CEP63: variants seen among roughly 807,000 people sequenced by gnomAD.
The protein encoded by CEP63 is centrosomal protein 63, also known as centrosomal protein of 63 kDa.
In CEP63, 84 loss-of-function variants were observed where a neutral mutation model predicts 89.1. The observed-to-expected ratio is 0.94, with a 90% CI of 0.79 to 1.13. CEP63 has a LOEUF of 1.13. CEP63 is among the 50% of genes most tolerant of loss of function. The pLI, the probability that CEP63 is intolerant of heterozygous loss-of-function variation, is 0.00. For synonymous variants in CEP63, 267 were observed against 272.5 expected (o/e 0.98, Z 0.20); for missense variants, 838 against 813.3 (o/e 1.03, Z -0.37).
the CEP63 span, among the ~76,000 whole-genome samples, chr3:134,762,766 C>G: frequency 6.6e-6 from 1 of 152,192 alleles, no homozygotes; most frequent in African/African-American, 2.4e-5. Context: ...GTTGGTTAAG[C>G]CACCCACTTT....
intron 8 of CEP63, 149 bp from the exon 9 acceptor site, chr3:134,547,186 C>T: frequency 6.1e-6 from 4 of 658,632 alleles, no homozygotes; most frequent in Admixed American, 2.4e-5. Flanking sequence ...TCTTTCTTTC[C>T]TCTCCCAATA....
the CEP63 span, among the ~76,000 whole-genome samples, chr3:134,777,045 T>G: frequency 1.3e-5 from 2 of 152,216 alleles, no homozygotes. Context: ...TTAATTCTAA[T>G]TTTTTAAAAG....
downstream of CEP63, chr3:134,575,120 C>CTTCCTTCCTTCCTTCT: frequency 1.5e-5 from 5 of 333,264 alleles, no homozygotes; most frequent in African/African-American, 1.1e-4. Flanking sequence ...TAACTCCTTC[C>CTTCCTTCCTTCCTTCT]TTCCTTCCTT....
chr3:134,620,794 G>A, the CEP63 span: 2 of 1,613,754 alleles, frequency 1.2e-6, no homozygotes, highest in Non-Finnish European at 1.7e-6. Context: ...ACCCTTTCCA[G>A]GTCAGTGTGG....
At chr3:134,663,419 C>T in the CEP63 span, among the ~76,000 whole-genome samples, 2 of 152,198 alleles carry the variant, frequency 1.3e-5, no homozygotes, top group Non-Finnish European at 2.9e-5. Flanking sequence ...CAGATGCCTT[C>T]TCACTGCTGC....
In CEP63 at chr3:134,494,252, C is replaced by A. The variant is rs79354012; in HGVS notation, c.-25-1044C>A. 8.2e-3 allele frequency among the ~76,000 whole-genome samples: 1,250 copies of A among 151,802 alleles called. 18 individuals are homozygous for A. Among genetic ancestry groups the A allele is most frequent in the African/African-American group, 0.029 (1,201 of 41,380 alleles). Reference sequence around the variant, plus strand: ...TACCTCAGCCTCCCCATGGCTGGAACTACAGGTGCATGCCACCATGCCCAG... The same window carrying A: ...TACCTCAGCCTCCCCATGGCTGGAAATACAGGTGCATGCCACCATGCCCAG... On this transcript the variant is annotated intron_variant, in intron 1 of 14. Coordinates refer to ENST00000675561, the MANE Select transcript of CEP63 (RefSeq NM_001353108.3).
At chr3:134,704,414 G>A in the CEP63 span, among the ~76,000 whole-genome samples, 1 of 152,140 alleles carries the variant, frequency 6.6e-6, no homozygotes, top group South Asian at 2.1e-4. Flanking sequence ...GAGGGAAAGA[G>A]GGAGAGAGAG....
At chr3:134,740,271 T>TTTAC in the CEP63 span, among the ~76,000 whole-genome samples, 1 of 38,280 alleles carries the variant, frequency 2.6e-5, no homozygotes, top group Non-Finnish European at 8.8e-5. Context: ...TTTTCTTTTA[T>TTTAC]TTATTTATTT....
rs1402039495 is a variant in CEP63 at position 134,559,206 on chromosome 3, A to G, written c.1730A>G (p.Asp577Gly). 2.5e-6 allele frequency: 4 copies of G among 1,614,172 alleles called. No homozygotes were observed. Among genetic ancestry groups the G allele is most frequent in the East Asian group, 2.2e-5 (1 of 44,878 alleles). Residue 577 changes from aspartate to glycine, a missense_variant, in exon 14 of 15, where the codon GAT becomes GGT. Asp to Gly is a moderately conservative substitution (Grantham distance 94, BLOSUM62 -1). Transcript: ENST00000675561. Reference protein sequence around the residue: ...DGIKTEHYKTDLHSPRGQASD... With the variant: ...DGIKTEHYKTGLHSPRGQASD... ...ATAAAGACTGAGCACTACAAAACAG[A>G]TCTTCATTCTCCAAGAGGACAAGCG...
intron 3 of CEP63, among the ~76,000 whole-genome samples, chr3:134,514,596 A>G (rs1339722528): frequency 1.3e-5 from 2 of 152,200 alleles, no homozygotes; most frequent in Admixed American, 6.5e-5. Flanking sequence ...TTAACAGTTG[A>G]CTTGTCAGCC....
chr3:134,541,073 C>T (rs1311461288), intron 6 of CEP63, among the ~76,000 whole-genome samples: 2 of 152,086 alleles, frequency 1.3e-5, no homozygotes, highest in Non-Finnish European at 2.9e-5. Flanking sequence ...TGAACCATCG[C>T]ACCTGGCCGG....
intron 3 of CEP63, among the ~76,000 whole-genome samples, chr3:134,512,336 A>G (rs1162770108): frequency 1.3e-5 from 2 of 152,182 alleles, no homozygotes; most frequent in Non-Finnish European, 2.9e-5. Flanking sequence ...GTTGGTTTTA[A>G]TGGACATTCC....
chr3:134,759,240 C>T, the CEP63 span, among the ~76,000 whole-genome samples: 3 of 152,206 alleles, frequency 2.0e-5, no homozygotes, highest in African/African-American at 7.2e-5. Context: ...CAACAGGAGA[C>T]TAATACAGTC....
At chr3:134,782,199 A>G in the CEP63 span, among the ~76,000 whole-genome samples, 1 of 152,200 alleles carries the variant, frequency 6.6e-6, no homozygotes, top group Non-Finnish European at 1.5e-5. Flanking sequence ...AAATTAGACA[A>G]CTTTTTCAAT....
At chr3:134,651,048 A>C in the CEP63 span, 1 of 1,571,036 alleles carries the variant, frequency 6.4e-7, no homozygotes. Context: ...GCTGCCCCAC[A>C]CGGGAGAGGG....
In CEP63 at chr3:134,545,717, C is replaced by T. The variant is rs764764969; in HGVS notation, c.687C>T (p.Arg229=). 1.1e-5 allele frequency: 17 copies of T among 1,613,908 alleles called. No homozygotes were observed. The highest frequency in any genetic ancestry group is 1.4e-5 in the Non-Finnish European group (17 of 1,180,008). The change falls in exon 7 of 15, where the codon CGC becomes CGT. Residue 229 remains arginine, a synonymous_variant. Transcript: ENST00000675561. ...TICANELEIE[R]LTMRVNDLVG... ...GTGCCAATGAGTTGGAAATAGAGCGCCTCACCATGAGGGTCAATGACTTGG... is the reference window on the plus strand; with the variant it reads ...GTGCCAATGAGTTGGAAATAGAGCGTCTCACCATGAGGGTCAATGACTTGG...
At chr3:134,651,710 T>A in the CEP63 span, 33 of 783,220 alleles carry the variant, frequency 4.2e-5, no homozygotes, top group African/African-American at 5.8e-4. Flanking sequence ...AGTCTTAAAG[T>A]CTCGGTTCGT....
the CEP63 span, chr3:134,620,601 ACT>A: frequency 9.7e-6 from 6 of 615,526 alleles, no homozygotes; most frequent in East Asian, 1.4e-4. Context: ...CTCCTTGGTT[ACT>A]CTCTGGTTCA....
At chr3:134,488,614 A>T (rs775411242) in intron 1 of CEP63, among the ~76,000 whole-genome samples, 1 of 152,262 alleles carries the variant, frequency 6.6e-6, no homozygotes, top group South Asian at 2.1e-4. Flanking sequence ...GTCTCAAAAA[A>T]CAAAAAAAAG....
Sources: gnomAD v4.1 joint callset for allele counts (sites outside exome capture counted in the v4.1 genomes callset) on GRCh38, gnomAD v4.1.1 for gene constraint, MANE v1.5 for transcripts, NCBI Gene and HGNC (gene_info 2026-07-23, HGNC 2026-07-21) for gene names.